The following TFB1M variants were observed in gnomAD, a reference collection of about 807,000 sequenced individuals.
TFB1M encodes transcription factor B1, mitochondrial.
In TFB1M, 27 loss-of-function variants were observed where a neutral mutation model predicts 31.1. That is an observed-to-expected ratio of 0.87 (90% CI 0.64 to 1.20). The LOEUF (loss-of-function observed/expected upper bound fraction) is 1.20, where lower values mean the gene tolerates loss of function less well. Among genes scored for constraint, TFB1M ranks in the 50% most tolerant of loss-of-function variants. The pLI is 0.00. For synonymous variants in TFB1M, 166 were observed against 151.8 expected (o/e 1.09, Z -0.69); for missense variants, 394 against 418.7 (o/e 0.94, Z 0.51).
rs1785303173 is a variant in TFB1M at position 155,278,073 on chromosome 6, C to T, written c.666+7085G>A. The stretch of plus-strand genomic sequence containing the variant: ...CAGCCATTTTATATGAAATAATGGC[C>T]CAGTGTATTGTTTGGAAGTGGCAAT... On this transcript the variant is annotated intron_variant, in intron 5 of 6. Coordinates refer to ENST00000367166, the MANE Select transcript of TFB1M (RefSeq NM_016020.4). Among the ~76,000 whole-genome samples, 3 of 152,004 alleles carry T rather than the reference C, an allele frequency of 2.0e-5. No individual in the cohort carries two copies. The South Asian group carries it at 6.2e-4, about 32-fold the overall frequency.
chr6:155,254,517 C>T (rs139080393), downstream of TFB1M: 931 of 1,614,102 alleles, frequency 5.8e-4, 6 homozygotes, highest in Middle Eastern at 3.0e-3. Flanking sequence ...CTGGAGAAAA[C>T]GTGTAAGGAT....
chr6:155,308,824 TA>T (rs2114813500), intron 2 of TFB1M, among the ~76,000 whole-genome samples: 1 of 152,314 alleles, frequency 6.6e-6, no homozygotes, highest in African/African-American at 2.4e-5. Context: ...TAGAAATCAC[TA>T]AAATGGTATC....
chr6:155,238,431 C>A, the TFB1M span, among the ~76,000 whole-genome samples: 1 of 152,036 alleles, frequency 6.6e-6, no homozygotes, highest in East Asian at 1.9e-4. Context: ...GTTGCCTCCA[C>A]GTTTTCAGTT....
chr6:155,256,475 T>C lies in TFB1M; in HGVS notation c.*1361A>G, dbSNP rs764440559. ...TGTATCACAGCGAAATGTGTTTTTC[T>C]CACTGTAGCTTCATCCAGGTCTTTA... On this transcript the variant is annotated 3_prime_UTR_variant, in exon 7 of 7. Coordinates refer to ENST00000367166, the MANE Select transcript of TFB1M (RefSeq NM_016020.4). 7 of 1,614,138 alleles carry C rather than the reference T, an allele frequency of 4.3e-6. No individual in the cohort carries two copies. The highest frequency in any genetic ancestry group is 2.2e-5 in the East Asian group (1 of 44,888).
intron 4 of TFB1M, among the ~76,000 whole-genome samples, chr6:155,292,341 G>GAGGT (rs1316223170): frequency 6.6e-6 from 1 of 152,192 alleles, no homozygotes; most frequent in Non-Finnish European, 1.5e-5. Context: ...CAGAGCTCCT[G>GAGGT]AGGTAGCAAA....
At chr6:155,307,978 T>A (rs1777862276) in intron 2 of TFB1M, among the ~76,000 whole-genome samples, 1 of 151,824 alleles carries the variant, frequency 6.6e-6, no homozygotes, top group Non-Finnish European at 1.5e-5. Flanking sequence ...TACGAATTTA[T>A]CTCCAGTTCA....
Position 155,260,389 on chromosome 6 carries a change from G to A in TFB1M, c.678C>T (p.Gly226=), listed in dbSNP as rs149796947. ...AFVPKPEVDV[G]VVHFTPLIQP... ...GTATCAAGGGAGTGAAGTGCACCAC[G>A]CCCACGTCCACCTTCGTTGTAAGCA... The change falls in exon 6 of 7, where the codon GGC becomes GGT. Residue 226 remains glycine (G), a synonymous_variant. Transcript: ENST00000367166. 7.1e-5 allele frequency: 114 copies of A among 1,614,202 alleles called. 2 individuals are homozygous for A. The African/African-American group carries it at 8.8e-4, about 12-fold the overall frequency.
At chr6:155,260,620 T>C in intron 5 of TFB1M, 1 of 619,434 alleles carries the variant, frequency 1.6e-6, no homozygotes, top group Non-Finnish European at 2.9e-6. Context: ...TGTTCTCTAA[T>C]GACATCCACC....
At chr6:155,271,221 G>C (rs890662129) in intron 5 of TFB1M, among the ~76,000 whole-genome samples, 2 of 152,096 alleles carry the variant, frequency 1.3e-5, no homozygotes, top group African/African-American at 2.4e-5. Flanking sequence ...TCTGTATAAT[G>C]GCTATGAATT....
the TFB1M span, among the ~76,000 whole-genome samples, chr6:155,247,619 C>T: frequency 2.0e-5 from 3 of 152,252 alleles, no homozygotes; most frequent in South Asian, 2.1e-4. Context: ...TGAGCCACCG[C>T]ACCTGGCCAC....
At chr6:155,311,777 A>C (rs909790550) in intron 1 of TFB1M, among the ~76,000 whole-genome samples, 11 of 152,208 alleles carry the variant, frequency 7.2e-5, no homozygotes, top group Non-Finnish European at 2.9e-5. Context: ...TGCTAGTGAA[A>C]TCCAAAAGCA....
intron 5 of TFB1M, among the ~76,000 whole-genome samples, chr6:155,264,880 GAGTC>G (rs1229824713): frequency 3.3e-5 from 5 of 152,152 alleles, no homozygotes; most frequent in Admixed American, 1.3e-4. Context: ...ACAACAAGAT[GAGTC>G]AGTGTCTCTT....
chr6:155,251,054 A>AC, the TFB1M span: 4 of 1,589,212 alleles, frequency 2.5e-6, no homozygotes, highest in Middle Eastern at 1.7e-4. Context: ...TGCAGACTGA[A>AC]CAGAGGCTGG....
At chr6:155,285,872 G>A (rs1424204639) in intron 4 of TFB1M, among the ~76,000 whole-genome samples, 2 of 151,972 alleles carry the variant, frequency 1.3e-5, no homozygotes. Context: ...ATTCATAAAT[G>A]CAATGCAATT....
At chr6:155,267,263 C>G (rs1359284565) in intron 5 of TFB1M, among the ~76,000 whole-genome samples, 1 of 152,216 alleles carries the variant, frequency 6.6e-6, no homozygotes, top group Non-Finnish European at 1.5e-5. Context: ...GCATGAGCCA[C>G]CACACCTGGC....
the TFB1M span, among the ~76,000 whole-genome samples, chr6:155,238,449 CA>C: frequency 6.6e-6 from 1 of 152,182 alleles, no homozygotes; most frequent in Non-Finnish European, 1.5e-5. Context: ...GTTATGTTTT[CA>C]GCAGTGCCCC....
chr6:155,230,179 C>A, the TFB1M span, among the ~76,000 whole-genome samples: 1 of 152,150 alleles, frequency 6.6e-6, no homozygotes, highest in African/African-American at 2.4e-5. Context: ...AGGTGGGTCT[C>A]CTCCACCCAC....
the TFB1M span, among the ~76,000 whole-genome samples, chr6:155,233,583 CT>C: frequency 6.6e-6 from 1 of 152,174 alleles, no homozygotes; most frequent in Non-Finnish European, 1.5e-5. Flanking sequence ...AGACGTCTGC[CT>C]GAATTCAGAG....
intron 1 of TFB1M, 51 bp from the exon 2 acceptor site, chr6:155,311,390 G>C: frequency 6.7e-7 from 1 of 1,503,414 alleles, no homozygotes; most frequent in Non-Finnish European, 9.2e-7. Flanking sequence ...AAATTTCAAC[G>C]TATGAAATTT....
Sources: gnomAD v4.1 joint callset for allele counts (sites outside exome capture counted in the v4.1 genomes callset) on GRCh38, gnomAD v4.1.1 for gene constraint, MANE v1.5 for transcripts, NCBI Gene and HGNC (gene_info 2026-07-23, HGNC 2026-07-21) for gene names.